CD99L2: variants seen among roughly 807,000 people sequenced by gnomAD.
The protein encoded by CD99L2 is CD99 molecule like 2, also known as CD99 antigen-like protein 2.
Under a neutral mutation model 27.3 loss-of-function variants are expected in CD99L2, and 24 were observed. The observed-to-expected ratio is 0.88, with a 90% CI of 0.64 to 1.24. The LOEUF is 1.24. CD99L2 is among the 50% of genes most tolerant of loss of function. The probability of loss-of-function intolerance (pLI) is 0.00; values close to 1 mark genes in which losing one functional copy is unlikely to be tolerated. For synonymous variants in CD99L2, 97 were observed against 87.9 expected, an observed-to-expected ratio of 1.10 and a Z score of -0.58; for missense variants, 255 against 221.6, an observed-to-expected ratio of 1.15 and a Z score of -0.96.
chrX:150,898,346 AC>A (rs1418427347), intron 1 of CD99L2, among the ~76,000 whole-genome samples, 175 bp downstream of exon 1: 2 of 107,001 alleles, frequency 1.9e-5, no homozygotes, highest in African/African-American at 6.8e-5. Flanking sequence ...GGCGGAGTCA[AC>A]CCCCACGGGC....
intron 1 of CD99L2, among the ~76,000 whole-genome samples, chrX:150,866,674 A>C (rs1557422050): frequency 1.8e-5 from 2 of 112,590 alleles, no homozygotes; most frequent in Non-Finnish European, 3.7e-5. Flanking sequence ...ACAAGAATTT[A>C]TTGTATATTT....
intron 1 of CD99L2, among the ~76,000 whole-genome samples, chrX:150,861,955 C>T (rs892565953): frequency 6.5e-5 from 7 of 108,019 alleles, no homozygotes; most frequent in Admixed American, 4.0e-4. Context: ...AACACCTCTA[C>T]GCAAATAAAC....
intron 10 of CD99L2, among the ~76,000 whole-genome samples, chrX:150,769,671 CCCT>C (rs1256170097): frequency 2.9e-5 from 3 of 103,257 alleles, no homozygotes; most frequent in African/African-American, 1.1e-4. Context: ...GTCCTAGTCT[CCCT>C]GCCTGCGCCA....
chrX:150,861,264 G>A (rs1198861688), intron 1 of CD99L2, among the ~76,000 whole-genome samples: 3 of 109,784 alleles, frequency 2.7e-5, no homozygotes, highest in Non-Finnish European at 3.8e-5. Context: ...AAAACAATCC[G>A]AAAATTTGTA....
intron 1 of CD99L2, among the ~76,000 whole-genome samples, chrX:150,896,171 G>A (rs1191639081): frequency 9.0e-6 from 1 of 111,126 alleles, no homozygotes; most frequent in African/African-American, 3.3e-5. Context: ...AGGCCGAGGC[G>A]GGCGGATCAC....
chrX:150,787,888 GTATATATA>G (rs527795783), intron 7 of CD99L2, among the ~76,000 whole-genome samples: 2,328 of 63,808 alleles, frequency 0.036, 65 homozygotes, highest in African/African-American at 0.057. Context: ...AGAACTTAAA[GTATATATA>G]TATATATATA....
intron 1 of CD99L2, among the ~76,000 whole-genome samples, chrX:150,871,304 C>T (rs2047153088): frequency 9.0e-6 from 1 of 111,651 alleles, no homozygotes; most frequent in African/African-American, 3.3e-5. Context: ...TGCTCAAGCA[C>T]TCATATTTAT....
chrX:150,767,106 G>A lies in CD99L2; in HGVS notation c.*1928C>T, dbSNP rs1400094345. On this transcript the variant is annotated 3_prime_UTR_variant, in exon 11 of 11. Transcript: ENST00000370377. ...ACCCCTGAGGTCACGCTGTCCAGGT[G>A]GCGACAGGCCACGCATGCCAAAATC... is the stretch of plus-strand genomic sequence containing the variant. 1 of 111,941 alleles carries A rather than the reference G, an allele frequency of 8.9e-6. No homozygotes were observed. The highest frequency in any genetic ancestry group is 3.3e-5 in the African/African-American group (1 of 30,741). The allele number at this position is 111,941 out of a possible 1,213,427, so 9.2% of individuals were successfully genotyped here. A position where few individuals can be genotyped will look rare whatever the true frequency, so the allele number is the denominator to read the frequency against.
intron 1 of CD99L2, among the ~76,000 whole-genome samples, chrX:150,897,505 T>C (rs1299007582): frequency 1.9e-5 from 2 of 107,968 alleles, no homozygotes; most frequent in African/African-American, 6.8e-5. Context: ...TAAATCTTAC[T>C]AGAACTCAGT....
intron 4 of CD99L2, among the ~76,000 whole-genome samples, chrX:150,813,868 G>C (rs1310464126): frequency 8.9e-6 from 1 of 111,834 alleles, no homozygotes; most frequent in Non-Finnish European, 1.9e-5. Flanking sequence ...ATATCTGTTA[G>C]ATGTTTTCTT....
chrX:150,834,967 C>T, intron 1 of CD99L2, among the ~76,000 whole-genome samples: 1 of 112,120 alleles, frequency 8.9e-6, no homozygotes, highest in Non-Finnish European at 1.9e-5. Flanking sequence ...GGACATTATG[C>T]TAAGTGAAAT....
At chrX:150,832,461 C>T (rs1360147258) in intron 1 of CD99L2, among the ~76,000 whole-genome samples, 2 of 111,466 alleles carry the variant, frequency 1.8e-5, no homozygotes, top group African/African-American at 6.5e-5. Context: ...CTGTCTCTAT[C>T]AAAAACTACA....
intron 2 of CD99L2, among the ~76,000 whole-genome samples, chrX:150,824,644 A>AGAG (rs1557420856): frequency 2.6e-5 from 2 of 76,768 alleles, no homozygotes; most frequent in Non-Finnish European, 4.5e-5. Context: ...AAGGAGGAGA[A>AGAG]GAAGAAGAAG....
At chrX:150,884,133 T>G (rs1183841021) in intron 1 of CD99L2, among the ~76,000 whole-genome samples, 1 of 112,208 alleles carries the variant, frequency 8.9e-6, no homozygotes, top group Non-Finnish European at 1.9e-5. Flanking sequence ...ATTTTCAAAC[T>G]TTTTGGCCTG....
At chrX:150,838,122 T>C (rs1557421261) in intron 1 of CD99L2, among the ~76,000 whole-genome samples, 1 of 112,115 alleles carries the variant, frequency 8.9e-6, no homozygotes, top group Non-Finnish European at 1.9e-5. Context: ...GTAACTCCAG[T>C]CTAATCATGA....
intron 1 of CD99L2, among the ~76,000 whole-genome samples, chrX:150,841,224 G>A (rs960968575): frequency 1.0e-4 from 11 of 107,286 alleles, no homozygotes; most frequent in Non-Finnish European, 1.9e-4. Context: ...AATGGGATAA[G>A]CCTATAATAG....
intron 7 of CD99L2, 51 bp from the exon 8 acceptor site, chrX:150,777,533 C>G (rs200853762): frequency 3.6e-4 from 417 of 1,169,800 alleles, no homozygotes; most frequent in Non-Finnish European, 4.6e-4. Flanking sequence ...AGCTCAGGCT[C>G]GAGCTCGGGC....
intron 2 of CD99L2, 112 bp downstream of exon 2, chrX:150,831,119 T>C: frequency 1.5e-6 from 1 of 666,513 alleles, no homozygotes; most frequent in Non-Finnish European, 2.3e-6. Context: ...ACTATCCATA[T>C]TTCATCTGAT....
intron 4 of CD99L2, among the ~76,000 whole-genome samples, chrX:150,797,205 T>G (rs1265757974): frequency 9.0e-6 from 1 of 110,743 alleles, no homozygotes; most frequent in Non-Finnish European, 1.9e-5. Context: ...TAAAAAAAAA[T>G]CAATAAAACC....
Sources: allele counts gnomAD v4.1 joint callset (sites outside exome capture counted in the v4.1 genomes callset), GRCh38; gene constraint gnomAD v4.1.1; transcripts MANE v1.5; gene names NCBI Gene and HGNC (gene_info 2026-07-23, HGNC 2026-07-21).